The following HUWE1 variants were observed in gnomAD, a reference collection of about 807,000 sequenced individuals.
HUWE1 encodes E3 ubiquitin-protein ligase HUWE1.
A neutral mutation model predicts 299.4 loss-of-function variants in HUWE1; 18 were observed. The ratio of observed to expected loss-of-function variants is 0.06; its 90% CI spans 0.04 to 0.09. The LOEUF (loss-of-function observed/expected upper bound fraction) is 0.09, where lower values mean the gene tolerates loss of function less well. Ranked by LOEUF, HUWE1 falls within the 10% of genes least tolerant of loss-of-function variation. The probability of loss-of-function intolerance (pLI) is 1.00; values close to 1 mark genes in which losing one functional copy is unlikely to be tolerated. For synonymous variants in HUWE1, 1,317 were observed against 1,286.1 expected (o/e 1.02, Z -0.51); for missense variants, 1,832 against 3,462.3 (o/e 0.53, Z 11.82).
chrX:53,557,120 C>T lies in HUWE1; in HGVS notation c.8206+262G>A. 3 of 468,700 alleles carry T rather than the reference C, an allele frequency of 6.4e-6. No homozygotes were observed. In the South Asian group the frequency reaches 8.5e-5, roughly 13 times the overall value. 38.6% of individuals were successfully genotyped at this position (468,700 alleles called of 1,213,427 possible). On this transcript the variant is annotated intron_variant, in intron 60 of 83. Transcript: ENST00000262854. ...GAACAAGACACATGACCTCATTACC[C>T]ATGCCAGAACAAAGTAGATAATAAC...
intron 49 of HUWE1, 134 bp downstream of exon 49, chrX:53,568,558 C>T: frequency 3.9e-6 from 2 of 516,208 alleles, no homozygotes; most frequent in Non-Finnish European, 6.3e-6. Flanking sequence ...AAGACAAGTG[C>T]TAAAAGCCAC....
In HUWE1 at chrX:53,568,672, G is replaced by A. The variant is rs782328030; in HGVS notation, c.6707+20C>T. The A allele has an allele frequency of 8.3e-7, 1 of 1,198,478 alleles. No homozygotes were observed. The highest frequency in any genetic ancestry group is 1.1e-6 in the Non-Finnish European group (1 of 885,151). Reference sequence around the variant, plus strand: ...GAGGCTGAAGAGAAGGAAAAGCCTGGGGCTGGGGCATGATTTTACCTGGAC... The same window carrying A: ...GAGGCTGAAGAGAAGGAAAAGCCTGAGGCTGGGGCATGATTTTACCTGGAC... On this transcript the variant is annotated intron_variant, in intron 49 of 83. Transcript: ENST00000262854.
At chrX:53,650,139 T>G (rs1431629053) in intron 4 of HUWE1, among the ~76,000 whole-genome samples, 2 of 112,239 alleles carry the variant, frequency 1.8e-5, no homozygotes, top group African/African-American at 6.5e-5. Flanking sequence ...ATCCAAACCT[T>G]ACTAACACTT....
intron 82 of HUWE1, 26 bp from the exon 83 acceptor site, chrX:53,534,223 G>C: frequency 8.6e-7 from 1 of 1,165,618 alleles, no homozygotes; most frequent in Non-Finnish European, 1.2e-6. Flanking sequence ...CATGAAGCCA[G>C]TGTTAGGTAG....
At chrX:53,685,940 G>A (rs1364861876) in intron 2 of HUWE1, among the ~76,000 whole-genome samples, 1 of 111,950 alleles carries the variant, frequency 8.9e-6, no homozygotes, top group Non-Finnish European at 1.9e-5. Flanking sequence ...TATCAATCGG[G>A]AAATGGTTAA....
chrX:53,569,786 T>A lies in HUWE1; in HGVS notation c.6354A>T (p.Pro2118=). 2 of 1,211,971 alleles carry A rather than the reference T, an allele frequency of 1.7e-6. No individual in the cohort carries two copies. Among genetic ancestry groups the A allele is most frequent in the Non-Finnish European group, 2.2e-6 (2 of 895,480 alleles). Residue 2118 remains proline (P), a synonymous_variant, in exon 48 of 84, where the codon CCA becomes CCT. Coordinates refer to ENST00000262854, the MANE Select transcript of HUWE1 (RefSeq NM_031407.7). ...CCTTGTCTTCTGCATTCTGGGTATGTGGGAGCAGGTGGTCCAGAACAAAAG... is the reference window on the plus strand; with the variant it reads ...CCTTGTCTTCTGCATTCTGGGTATGAGGGAGCAGGTGGTCCAGAACAAAAG... The part of the protein sequence containing the change: ...VLAFVLDHLL[P]HTQNAEDKDT...
rs1289524854 is a variant in HUWE1, at chrX:53,551,127, G to C, written c.9159C>G (p.Asp3053Glu). 2 of 1,211,840 alleles carry C rather than the reference G, an allele frequency of 1.7e-6. No homozygotes were observed. The highest frequency in any genetic ancestry group is 1.1e-6 in the Non-Finnish European group (1 of 895,436). ...TGAAGGTCACAGGGTCCATAGGGGT[G>C]TCTGAGCTGGCATTCTGTGCTAGTT... The part of the protein sequence containing the change: ...RRELAQNASS[D>E]TPMDPVTFIQ... The change falls in exon 65 of 84, where the codon GAC becomes GAG. Residue 3053 changes from aspartate to glutamate, a missense_variant. Coordinates refer to ENST00000262854, the MANE Select transcript of HUWE1 (RefSeq NM_031407.7).
chrX:53,585,051 G>A lies in HUWE1; in HGVS notation c.4962C>T (p.Gly1654=). ...SGETSVRFTA[G]RRRYTVQFTT... ...TGAATTGGACCGTGTATCTTCTTCG[G>A]CCTGCAGTGAATCGCACGCTTGTCT... The change falls in exon 40 of 84, where the codon GGC becomes GGT. Residue 1654 remains glycine, a synonymous_variant. Coordinates refer to ENST00000262854, the MANE Select transcript of HUWE1 (RefSeq NM_031407.7). 1 of 1,211,773 alleles carries A rather than the reference G, an allele frequency of 8.3e-7. No homozygotes were observed. Among genetic ancestry groups the A allele is most frequent in the African/African-American group, 1.7e-5 (1 of 57,743 alleles).
intron 23 of HUWE1, among the ~76,000 whole-genome samples, chrX:53,609,887 A>C (rs1194310929): frequency 9.0e-6 from 1 of 111,724 alleles, no homozygotes; most frequent in Non-Finnish European, 1.9e-5. Flanking sequence ...TGCCAGGCAC[A>C]AGAACATTTG....
At chrX:53,623,321 C>T (rs1289703690) in intron 19 of HUWE1, among the ~76,000 whole-genome samples, 20 of 111,424 alleles carry the variant, frequency 1.8e-4, no homozygotes, top group Non-Finnish European at 1.1e-4. Flanking sequence ...GGGCATTCTC[C>T]CTGCCCCTGG....
At chrX:53,631,342 C>A in intron 11 of HUWE1, 72 bp downstream of exon 11, 1 of 825,658 alleles carries the variant, frequency 1.2e-6, no homozygotes, top group East Asian at 3.2e-5. Context: ...TGCAATCTCC[C>A]ACCCCAGTAC....
chrX:53,609,086 G>A (rs903477108), intron 23 of HUWE1, among the ~76,000 whole-genome samples, 177 bp from the exon 24 acceptor site: 1 of 111,289 alleles, frequency 9.0e-6, no homozygotes, highest in African/African-American at 3.3e-5. Flanking sequence ...CACAATCATG[G>A]CTCACTGCAG....
chrX:53,577,760 G>A (rs1431721439), intron 43 of HUWE1, among the ~76,000 whole-genome samples: 5 of 114,834 alleles, frequency 4.4e-5, no homozygotes, highest in Non-Finnish European at 9.3e-5. Flanking sequence ...CTAACCGCGA[G>A]TGATCCGCCA....
At chrX:53,637,412 A>G (rs1221826438) in intron 7 of HUWE1, among the ~76,000 whole-genome samples, 1 of 112,909 alleles carries the variant, frequency 8.9e-6, no homozygotes, top group African/African-American at 3.2e-5. Context: ...GGATGAGGGT[A>G]TAAAGGCTTG....
intron 7 of HUWE1, among the ~76,000 whole-genome samples, chrX:53,635,007 T>C (rs782657702): frequency 9.0e-6 from 1 of 111,393 alleles, no homozygotes; most frequent in African/African-American, 3.2e-5. Context: ...TTTTAAATCA[T>C]TCATAATTAT....
At chrX:53,551,777 T>A (rs1556929277) in intron 63 of HUWE1, among the ~76,000 whole-genome samples, 1 of 111,729 alleles carries the variant, frequency 9.0e-6, no homozygotes, top group African/African-American at 3.3e-5. Context: ...CTTCCCAAAT[T>A]TTCAGGATTA....
At chrX:53,562,280 A>G (rs1556941946) in intron 53 of HUWE1, 36 bp from the exon 54 acceptor site, 1 of 1,200,545 alleles carries the variant, frequency 8.3e-7, no homozygotes, top group South Asian at 1.8e-5. Context: ...GACTAAACTG[A>G]GTAGCTAGAA....
intron 19 of HUWE1, among the ~76,000 whole-genome samples, chrX:53,620,679 C>T: frequency 8.9e-6 from 1 of 112,111 alleles, no homozygotes; most frequent in Middle Eastern, 4.6e-3. Context: ...AGTTGTATGA[C>T]ATCTGAAAAA....
chrX:53,626,170 T>C, intron 17 of HUWE1: 1 of 285,155 alleles, frequency 3.5e-6, no homozygotes, highest in Non-Finnish European at 6.5e-6. Context: ...AACCCCAAAA[T>C]GAAAATATAT....
Sources: allele counts gnomAD v4.1 joint callset (sites outside exome capture counted in the v4.1 genomes callset), GRCh38; gene constraint gnomAD v4.1.1; transcripts MANE v1.5; gene names NCBI Gene and HGNC (gene_info 2026-07-23, HGNC 2026-07-21).